Variants in SGCZ observed in about 807,000 individuals in gnomAD.
SGCZ encodes the protein zeta-sarcoglycan.
In SGCZ, 40 loss-of-function variants were observed where a neutral mutation model predicts 41.3. The ratio of observed to expected loss-of-function variants is 0.97; its 90% CI spans 0.75 to 1.26. The LOEUF (loss-of-function observed/expected upper bound fraction) is 1.26. Among genes scored for constraint, SGCZ ranks in the 50% most tolerant of loss-of-function variants. The probability of loss-of-function intolerance (pLI) is 0.00; values close to 1 mark genes in which losing one functional copy is unlikely to be tolerated. For missense variants in SGCZ, 552 were observed against 369.8 expected (o/e 1.49, Z -4.04); for synonymous variants, 206 against 137.5 (o/e 1.50, Z -3.49).
chr8:14,126,732 C>A (rs1463934612), intron 5 of SGCZ, among the ~76,000 whole-genome samples: 6 of 152,144 alleles, frequency 3.9e-5, no homozygotes, highest in Admixed American at 1.3e-4. Flanking sequence ...ATGGAACCAA[C>A]CCAAATGCCC....
chr8:14,554,596 A>T, intron 2 of SGCZ, 136 bp downstream of exon 2: 1 of 733,750 alleles, frequency 1.4e-6, no homozygotes, highest in Non-Finnish European at 2.1e-6. Flanking sequence ...AAAATAAAAT[A>T]TTATTTTCTT....
At chr8:14,481,158 T>C (rs1801525123) in intron 2 of SGCZ, among the ~76,000 whole-genome samples, 1 of 151,478 alleles carries the variant, frequency 6.6e-6, no homozygotes, top group Non-Finnish European at 1.5e-5. Context: ...ACACACATTA[T>C]ACAAAATATG....
At chr8:14,454,051 T>C (rs191192839) in intron 2 of SGCZ, among the ~76,000 whole-genome samples, 8 of 152,302 alleles carry the variant, frequency 5.3e-5, no homozygotes, top group East Asian at 3.9e-4. Flanking sequence ...CAAAAGGATA[T>C]TGACCTTCCA....
At chr8:14,820,652 C>G (rs796254943) in intron 1 of SGCZ, among the ~76,000 whole-genome samples, 4 of 151,868 alleles carry the variant, frequency 2.6e-5, no homozygotes, top group Admixed American at 1.3e-4. Flanking sequence ...CTTTTCTAGC[C>G]ACCATGGTGT....
At chr8:14,366,113 G>A (rs537297440) in intron 2 of SGCZ, among the ~76,000 whole-genome samples, 12 of 152,044 alleles carry the variant, frequency 7.9e-5, no homozygotes, top group Non-Finnish European at 1.0e-4. Context: ...TAGAGTCTTC[G>A]AAATCAATGA....
intron 1 of SGCZ, among the ~76,000 whole-genome samples, chr8:15,137,905 G>A (rs1243765081): frequency 8.5e-5 from 13 of 152,246 alleles, no homozygotes; most frequent in Admixed American, 3.9e-4. Flanking sequence ...GAGGGCCACC[G>A]TCCTCCAGAC....
At chr8:14,899,616 T>C (rs1157075528) in intron 1 of SGCZ, among the ~76,000 whole-genome samples, 1 of 152,174 alleles carries the variant, frequency 6.6e-6, no homozygotes, top group Non-Finnish European at 1.5e-5. Flanking sequence ...CTCCAGGTTG[T>C]AAATTGCTGT....
intron 2 of SGCZ, among the ~76,000 whole-genome samples, chr8:14,356,064 G>T (rs1048652654): frequency 6.6e-6 from 1 of 152,138 alleles, no homozygotes; most frequent in Non-Finnish European, 1.5e-5. Flanking sequence ...TTGGGCAGGG[G>T]CAGTGAGACC....
intron 1 of SGCZ, among the ~76,000 whole-genome samples, chr8:14,630,443 C>T (rs954037985): frequency 2.0e-5 from 3 of 151,988 alleles, no homozygotes; most frequent in East Asian, 3.9e-4. Context: ...ACTAGTTCAA[C>T]CACTGTGGAA....
chr8:14,181,709 G>A (rs1804732672), intron 4 of SGCZ, among the ~76,000 whole-genome samples: 1 of 152,168 alleles, frequency 6.6e-6, no homozygotes. Flanking sequence ...CTTGCCTGCT[G>A]CTATGTAATA....
chr8:14,129,411 T>G (rs189815371), intron 5 of SGCZ, among the ~76,000 whole-genome samples: 25 of 146,862 alleles, frequency 1.7e-4, no homozygotes, highest in African/African-American at 6.0e-4. Context: ...AAATAAAAAT[T>G]TGAAAAATAA....
intron 1 of SGCZ, among the ~76,000 whole-genome samples, chr8:15,219,475 C>T (rs1371758273): frequency 6.6e-6 from 1 of 152,184 alleles, no homozygotes; most frequent in Non-Finnish European, 1.5e-5. Context: ...AAATGCCCAA[C>T]TCAATAGAAT....
rs539564771 is a variant in SGCZ, at chr8:14,472,114, A to G, written c.234+82618T>C. Among the ~76,000 whole-genome samples the G allele has an allele frequency of 7.9e-5, 12 of 152,180 alleles. No individual in the cohort carries two copies. In the South Asian group the frequency reaches 2.5e-3, roughly 32 times the overall value. On this transcript the variant is annotated intron_variant, in intron 2 of 7. Transcript: ENST00000382080. Reference sequence around the variant, plus strand: ...TCTGGTTTTTGCAATTCAGCATTTGATCATAGGTCTTACTATATGAATTTT... The same window carrying G: ...TCTGGTTTTTGCAATTCAGCATTTGGTCATAGGTCTTACTATATGAATTTT...
chr8:14,372,846 T>C (rs1170699653), intron 2 of SGCZ, among the ~76,000 whole-genome samples: 1 of 152,072 alleles, frequency 6.6e-6, no homozygotes, highest in Non-Finnish European at 1.5e-5. Flanking sequence ...TGAGACGTGT[T>C]GTAGAGAAGC....
chr8:14,942,642 C>T (rs907865162), intron 1 of SGCZ, among the ~76,000 whole-genome samples: 12 of 152,070 alleles, frequency 7.9e-5, no homozygotes, highest in Admixed American at 2.0e-4. Context: ...TGTATGCCTC[C>T]GTAACACCCA....
At chr8:15,023,076 C>A (rs1345690066) in intron 1 of SGCZ, among the ~76,000 whole-genome samples, 1 of 152,150 alleles carries the variant, frequency 6.6e-6, no homozygotes, top group Non-Finnish European at 1.5e-5. Context: ...TGCCAGAGAA[C>A]AGTAACTGTT....
chr8:14,178,462 T>C (rs1295946902), intron 4 of SGCZ, among the ~76,000 whole-genome samples: 1 of 152,238 alleles, frequency 6.6e-6, no homozygotes, highest in African/African-American at 2.4e-5. Flanking sequence ...TTGTTAGAAA[T>C]AATTTAGATC....
chr8:14,247,731 G>C (rs1328802185), intron 3 of SGCZ, among the ~76,000 whole-genome samples: 2 of 152,138 alleles, frequency 1.3e-5, no homozygotes, highest in East Asian at 1.9e-4. Context: ...TTGTTCTTGA[G>C]GGTAATGTTG....
intron 3 of SGCZ, among the ~76,000 whole-genome samples, chr8:14,252,459 G>A (rs942678049): frequency 1.3e-5 from 2 of 151,994 alleles, no homozygotes; most frequent in Non-Finnish European, 2.9e-5. Context: ...TGAAGTAACT[G>A]AAAAATCTAA....
Sources: gnomAD v4.1 joint callset for allele counts (sites outside exome capture counted in the v4.1 genomes callset) on GRCh38, gnomAD v4.1.1 for gene constraint, MANE v1.5 for transcripts, NCBI Gene and HGNC (gene_info 2026-07-23, HGNC 2026-07-21) for gene names.